Variants in TENM4 observed in about 807,000 individuals in gnomAD.
The protein encoded by TENM4 is teneurin-4.
A neutral mutation model predicts 243.3 loss-of-function variants in TENM4; 82 were observed. The observed-to-expected ratio is 0.34, with a 90% CI of 0.28 to 0.40. The LOEUF is 0.40. Among genes scored for constraint, TENM4 ranks in the 10% least tolerant of loss-of-function variants. The pLI is 1.00. For missense variants in TENM4, 3,138 were observed against 3,673.3 expected (o/e 0.85, Z 3.77); for synonymous variants, 1,412 against 1,456.3 (o/e 0.97, Z 0.69).
Position 78,957,668 on chromosome 11 carries a change from A to T in TENM4, c.494-54145T>A, listed in dbSNP as rs570477575. 2.0e-5 allele frequency among the ~76,000 whole-genome samples: 3 copies of T among 152,326 alleles called. No homozygotes were observed. In the South Asian group the frequency reaches 6.2e-4, roughly 32 times the overall value. On this transcript the variant is annotated intron_variant, in intron 6 of 33. Coordinates refer to ENST00000278550, the MANE Select transcript of TENM4 (RefSeq NM_001098816.3). ...CTGCCAAACAACAGTGATGCTGACC[A>T]GTGAGAAATTTGTAAGGCAAGGCAG... is the stretch of plus-strand genomic sequence containing the variant.
At chr11:79,259,426 G>T (rs1855753902) in intron 2 of TENM4, among the ~76,000 whole-genome samples, 2 of 151,936 alleles carry the variant, frequency 1.3e-5, no homozygotes, top group Non-Finnish European at 1.5e-5. Context: ...TTCCTTCCTA[G>T]AACATACATT....
At chr11:79,300,096 C>T (rs927340865) in intron 1 of TENM4, among the ~76,000 whole-genome samples, 1 of 152,216 alleles carries the variant, frequency 6.6e-6, no homozygotes, top group African/African-American at 2.4e-5. Flanking sequence ...TCCCTCAGGG[C>T]AACACTTCTT....
chr11:78,966,192 T>C (rs999981735), intron 6 of TENM4, among the ~76,000 whole-genome samples: 1 of 87,146 alleles, frequency 1.1e-5, no homozygotes. Context: ...TAAAGGAAAA[T>C]TAAAAAAAAA....
At chr11:79,128,167 C>T (rs1565215035) in intron 4 of TENM4, among the ~76,000 whole-genome samples, 1 of 152,196 alleles carries the variant, frequency 6.6e-6, no homozygotes, top group Non-Finnish European at 1.5e-5. Context: ...GGCAGGCCCT[C>T]ATAAGTAAAT....
intron 16 of TENM4, among the ~76,000 whole-genome samples, chr11:78,781,254 A>T (rs574831369): frequency 5.6e-4 from 86 of 152,332 alleles, no homozygotes; most frequent in African/African-American, 2.0e-3. Flanking sequence ...GCTTTGCATT[A>T]TGAAAGGTGG....
At chr11:79,318,076 A>T (rs1423152562) in intron 1 of TENM4, among the ~76,000 whole-genome samples, 2 of 152,200 alleles carry the variant, frequency 1.3e-5, no homozygotes, top group Admixed American at 6.5e-5. Context: ...TTAATATCAC[A>T]ATTTAAGCAT....
chr11:78,999,239 C>T (rs552556633), intron 6 of TENM4, among the ~76,000 whole-genome samples: 2 of 152,248 alleles, frequency 1.3e-5, no homozygotes, highest in South Asian at 2.1e-4. Context: ...ATGGGCTGGG[C>T]GGGGTGGCTC....
intron 19 of TENM4, among the ~76,000 whole-genome samples, chr11:78,754,318 T>G (rs1158967033): frequency 6.6e-6 from 1 of 152,200 alleles, no homozygotes; most frequent in East Asian, 1.9e-4. Flanking sequence ...CATACTTGGC[T>G]GGCTCCTTGA....
chr11:78,705,437 A>G (rs1278788093), intron 27 of TENM4, among the ~76,000 whole-genome samples: 1 of 152,208 alleles, frequency 6.6e-6, no homozygotes, highest in Non-Finnish European at 1.5e-5. Flanking sequence ...CCGTGTGATG[A>G]TCCTGCACCA....
At chr11:78,683,980 T>C (rs1858591424) in intron 29 of TENM4, among the ~76,000 whole-genome samples, 1 of 152,206 alleles carries the variant, frequency 6.6e-6, no homozygotes, top group Non-Finnish European at 1.5e-5. Flanking sequence ...AAGTGCTGGC[T>C]TAAGACTCCC....
At chr11:78,987,025 C>T (rs768552054) in intron 6 of TENM4, among the ~76,000 whole-genome samples, 2 of 152,192 alleles carry the variant, frequency 1.3e-5, no homozygotes, top group African/African-American at 2.4e-5. Context: ...TAATGTCTGG[C>T]CCACAGGAAA....
chr11:79,017,751 T>C (rs1284108727), intron 6 of TENM4, among the ~76,000 whole-genome samples: 2 of 152,210 alleles, frequency 1.3e-5, no homozygotes, highest in African/African-American at 4.8e-5. Context: ...AAGTACATTC[T>C]GAGTCTGTGC....
At chr11:78,835,650 T>TA (rs1201026380) in intron 12 of TENM4, among the ~76,000 whole-genome samples, 2 of 152,236 alleles carry the variant, frequency 1.3e-5, no homozygotes, top group Non-Finnish European at 2.9e-5. Context: ...GCCTCTGTTT[T>TA]AAACCGATCC....
chr11:79,078,390 A>G (rs1860584688), intron 4 of TENM4, among the ~76,000 whole-genome samples: 1 of 152,136 alleles, frequency 6.6e-6, no homozygotes, highest in African/African-American at 2.4e-5. Context: ...CGTGAATTTT[A>G]CTTTTCTTAT....
intron 18 of TENM4, 97 bp downstream of exon 18, chr11:78,770,895 G>A: frequency 1.4e-6 from 2 of 1,475,888 alleles, no homozygotes; most frequent in Non-Finnish European, 1.8e-6. Flanking sequence ...TGGATGACTG[G>A]TGTGTTGGTG....
At chr11:79,029,046 C>A (rs746634573) in intron 6 of TENM4, among the ~76,000 whole-genome samples, 2 of 152,122 alleles carry the variant, frequency 1.3e-5, no homozygotes, top group Non-Finnish European at 2.9e-5. Context: ...CATTTTGCAT[C>A]CTTTCAAAAT....
intron 9 of TENM4, among the ~76,000 whole-genome samples, chr11:78,869,403 A>G (rs1300336598): frequency 6.7e-6 from 1 of 149,532 alleles, no homozygotes; most frequent in Non-Finnish European, 1.5e-5. Context: ...CAGGATTTGA[A>G]TTACAGCAGA....
intron 2 of TENM4, among the ~76,000 whole-genome samples, chr11:79,260,162 A>G (rs972741685): frequency 6.6e-6 from 1 of 152,240 alleles, no homozygotes; most frequent in African/African-American, 2.4e-5. Context: ...AACTTCATTT[A>G]AGGGCATCGG....
intron 3 of TENM4, among the ~76,000 whole-genome samples, chr11:79,196,053 C>A (rs906365010): frequency 1.3e-5 from 2 of 152,148 alleles, no homozygotes; most frequent in South Asian, 4.1e-4. Flanking sequence ...ATTTTTGCTT[C>A]TTCCTCATTT....
Sources: allele counts gnomAD v4.1 joint callset (sites outside exome capture counted in the v4.1 genomes callset), GRCh38; gene constraint gnomAD v4.1.1; transcripts MANE v1.5; gene names NCBI Gene and HGNC (gene_info 2026-07-23, HGNC 2026-07-21).